The following CELF2 variants were observed in gnomAD, a reference collection of about 807,000 sequenced individuals.
CELF2 encodes CUGBP Elav-like family member 2, also known as CUG triplet repeat RNA-binding protein 2.
Under a neutral mutation model 62.6 loss-of-function variants are expected in CELF2, and 8 were observed. That is an observed-to-expected ratio of 0.13 (90% CI 0.07 to 0.23). The LOEUF is 0.23. CELF2 is among the 10% of genes least tolerant of loss of function. CELF2 has a pLI of 1.00. For synonymous variants in CELF2, 258 were observed against 250.0 expected, an observed-to-expected ratio of 1.03 and a Z score of -0.30; for missense variants, 333 against 671.0, an observed-to-expected ratio of 0.50 and a Z score of 5.56.
intron 1 of CELF2, among the ~76,000 whole-genome samples, chr10:10,841,464 A>C (rs1307467739): frequency 6.6e-6 from 1 of 150,440 alleles, no homozygotes; most frequent in Non-Finnish European, 1.5e-5. Flanking sequence ...GTCTAGGTTC[A>C]TTTTTATATA....
At chr10:10,886,918 T>C (rs2061788815) in intron 1 of CELF2, among the ~76,000 whole-genome samples, 1 of 152,112 alleles carries the variant, frequency 6.6e-6, no homozygotes, top group African/African-American at 2.4e-5. Flanking sequence ...CAAGGGACAG[T>C]CACAGAAATT....
At chr10:10,668,070 T>G in the CELF2 span, among the ~76,000 whole-genome samples, 2 of 152,182 alleles carry the variant, frequency 1.3e-5, no homozygotes, top group Admixed American at 1.3e-4. Context: ...AGGGAGAGAC[T>G]TAGATATCCA....
chr10:11,029,195 AAG>A (rs2138715757), intron 1 of CELF2, among the ~76,000 whole-genome samples: 1 of 152,328 alleles, frequency 6.6e-6, no homozygotes, highest in Non-Finnish European at 1.5e-5. Flanking sequence ...GTGTAGGGTT[AAG>A]ACAAGGGGTT....
chr10:10,752,021 G>A, the CELF2 span, among the ~76,000 whole-genome samples: 1 of 152,144 alleles, frequency 6.6e-6, no homozygotes, highest in African/African-American at 2.4e-5. Context: ...GACCTGCTTC[G>A]GTCACTGAAT....
intron 2 of CELF2, among the ~76,000 whole-genome samples, chr10:11,168,366 T>C (rs1366384095): frequency 1.3e-5 from 2 of 152,204 alleles, no homozygotes; most frequent in Non-Finnish European, 2.9e-5. Context: ...AAGGTATTTG[T>C]TGTGATGGGA....
chr10:10,971,308 G>T lies in CELF2; in HGVS notation c.89+51309G>T, dbSNP rs375616356. 4.6e-5 allele frequency among the ~76,000 whole-genome samples: 7 copies of T among 152,212 alleles called. No homozygotes were observed. In the East Asian group the frequency reaches 1.2e-3, roughly 25 times the overall value. ...CACCCCATATTCTGTCTTACTCTTG[G>T]TTCCTCTCCATAGCTTCAGTGCCTC... is the stretch of plus-strand genomic sequence containing the variant. On this transcript the variant is annotated intron_variant, in intron 2 of 13. Coordinates refer to the CELF2 transcript ENST00000636488.
At chr10:11,192,680 G>A (rs1319951719) in intron 2 of CELF2, among the ~76,000 whole-genome samples, 2 of 152,232 alleles carry the variant, frequency 1.3e-5, no homozygotes, top group East Asian at 1.9e-4. Context: ...TGACCTGGGT[G>A]AGTTGCCCAC....
chr10:10,917,202 C>T (rs1221313073), intron 1 of CELF2, among the ~76,000 whole-genome samples: 1 of 152,152 alleles, frequency 6.6e-6, no homozygotes, highest in East Asian at 1.9e-4. Context: ...CAGCTGGAGC[C>T]AAAGCAAAGC....
chr10:10,609,367 T>A, the CELF2 span, among the ~76,000 whole-genome samples: 2 of 152,208 alleles, frequency 1.3e-5, no homozygotes, highest in African/African-American at 4.8e-5. Flanking sequence ...CAATAAGTCA[T>A]AGTGAGGCCG....
intron 3 of CELF2, among the ~76,000 whole-genome samples, chr10:11,235,601 G>T (rs923593452): frequency 1.8e-4 from 27 of 152,152 alleles, no homozygotes; most frequent in Admixed American, 6.5e-5. Context: ...ACTGAGCAAC[G>T]CTGGAGGAGA....
rs1007673628 is a variant in CELF2, at chr10:11,098,831, A to T, written c.75-66655A>T. 6.6e-6 allele frequency among the ~76,000 whole-genome samples: 1 copy of T among 152,210 alleles called. No homozygotes were observed. The highest frequency in any genetic ancestry group is 1.5e-5 in the Non-Finnish European group (1 of 68,044). ...AGGCTTCTTGGCTCTGCACCGGGTG[A>T]TAATTCTACCTGGGCAGCAGGCCAC... On this transcript the variant is annotated intron_variant, in intron 1 of 12. Transcript: ENST00000633077. This position sits in a 1 kb window ranked among gnomAD's most constrained non-coding sequence, Gnocchi z 4.0.
chr10:11,130,892 G>A (rs948851798), intron 1 of CELF2, among the ~76,000 whole-genome samples: 1 of 152,170 alleles, frequency 6.6e-6, no homozygotes, highest in African/African-American at 2.4e-5. Flanking sequence ...TGAGGAGAAA[G>A]CCAGTCCCTC....
chr10:10,966,167 T>C (rs561283336), intron 2 of CELF2, among the ~76,000 whole-genome samples: 77 of 152,364 alleles, frequency 5.1e-4, no homozygotes, highest in African/African-American at 1.7e-3. Flanking sequence ...CCTTTGCATG[T>C]CCAGGCAGTG....
rs2082820012 is a variant in CELF2 at position 11,268,579 on chromosome 10, C to T, written c.618+1902C>T. Among the ~76,000 whole-genome samples the T allele has an allele frequency of 6.6e-6, 1 of 152,190 alleles. No individual in the cohort carries two copies. The highest frequency in any genetic ancestry group is 1.5e-5 in the Non-Finnish European group (1 of 68,038). ...GTTTGACCACTGGGGCATATTTATTCCTAAGCCTTTGATCCTTTATTATTA... is the reference window on the plus strand; with the variant it reads ...GTTTGACCACTGGGGCATATTTATTTCTAAGCCTTTGATCCTTTATTATTA... On this transcript the variant is annotated intron_variant, in intron 6 of 12. Transcript: ENST00000633077. The surrounding 1 kb of genome is among the most constrained non-coding windows in gnomAD (Gnocchi z 4.7).
chr10:10,657,160 G>A, the CELF2 span, among the ~76,000 whole-genome samples: 1,120 of 152,118 alleles, frequency 7.4e-3, 25 homozygotes, highest in African/African-American at 0.026. Flanking sequence ...GACACAAAAG[G>A]CCAAATAATG....
intron 1 of CELF2, among the ~76,000 whole-genome samples, chr10:10,827,006 G>A (rs2057444577): frequency 6.6e-6 from 1 of 152,168 alleles, no homozygotes; most frequent in Non-Finnish European, 1.5e-5. Flanking sequence ...CAGGGAATGA[G>A]GTGTGAAGGA....
intron 2 of CELF2, among the ~76,000 whole-genome samples, chr10:10,937,854 G>A (rs1193558197): frequency 2.6e-5 from 4 of 152,144 alleles, no homozygotes; most frequent in Admixed American, 1.3e-4. Flanking sequence ...TATATATGGA[G>A]GGAGGGAAAG....
At chr10:11,082,325 A>T (rs1054082325) in intron 1 of CELF2, among the ~76,000 whole-genome samples, 3 of 152,214 alleles carry the variant, frequency 2.0e-5, no homozygotes, top group African/African-American at 7.2e-5. Context: ...CGTTGCAGTG[A>T]TAAGGATGAG....
the CELF2 span, among the ~76,000 whole-genome samples, chr10:10,565,669 C>A: frequency 6.6e-6 from 1 of 152,152 alleles, no homozygotes; most frequent in African/African-American, 2.4e-5. Flanking sequence ...TGTGTGTGTT[C>A]CTTAATTTCT....
Sources: gnomAD v4.1 joint callset for allele counts (sites outside exome capture counted in the v4.1 genomes callset) on GRCh38, gnomAD v4.1.1 for gene constraint, Gnocchi (gnomAD v3.1) non-coding constraint, MANE v1.5 for transcripts, NCBI Gene and HGNC (gene_info 2026-07-23, HGNC 2026-07-21) for gene names.